The following PHF21A variants were observed in gnomAD, a reference collection of about 807,000 sequenced individuals.
The protein encoded by PHF21A is PHD finger protein 21A, also known as BHC80a.
A neutral mutation model predicts 82.5 loss-of-function variants in PHF21A; 11 were observed. The ratio of observed to expected loss-of-function variants is 0.13; its 90% CI spans 0.08 to 0.22. The LOEUF (loss-of-function observed/expected upper bound fraction) is 0.22. Ranked by LOEUF, PHF21A falls within the 10% of genes least tolerant of loss-of-function variation. The pLI is 1.00. For synonymous variants in PHF21A, 297 were observed against 302.8 expected (o/e 0.98, Z 0.20); for missense variants, 579 against 837.8 (o/e 0.69, Z 3.81).
At chr11:45,958,346 T>C (rs1439106864) in intron 10 of PHF21A, among the ~76,000 whole-genome samples, 1 of 131,250 alleles carries the variant, frequency 7.6e-6, no homozygotes, top group African/African-American at 2.9e-5. Flanking sequence ...GCAGATAGCT[T>C]GAGCTCAGGG....
chr11:45,936,436 A>G, intron 17 of PHF21A, 58 bp downstream of exon 17: 1 of 962,282 alleles, frequency 1.0e-6, no homozygotes, highest in South Asian at 1.4e-5. Context: ...AAATACTGCC[A>G]GTATTTTTTT....
intron 6 of PHF21A, among the ~76,000 whole-genome samples, chr11:46,043,690 T>A (rs1484558832): frequency 6.6e-6 from 1 of 151,888 alleles, no homozygotes; most frequent in African/African-American, 2.4e-5. Context: ...TGGTGAAGTA[T>A]GAATATTTAA....
intron 10 of PHF21A, among the ~76,000 whole-genome samples, chr11:45,960,919 T>C (rs560551276): frequency 7.9e-5 from 12 of 152,330 alleles, no homozygotes; most frequent in Non-Finnish European, 1.5e-4. Context: ...GAAGTCTCCA[T>C]GTGATAAAAG....
At chr11:46,094,049 G>A (rs937148996) in intron 1 of PHF21A, among the ~76,000 whole-genome samples, 11 of 152,206 alleles carry the variant, frequency 7.2e-5, no homozygotes, top group South Asian at 2.1e-4. Context: ...ATTATATTAC[G>A]TATAATCAAC....
At chr11:45,970,051 T>C (rs1032551520) in intron 8 of PHF21A, 147 bp from the exon 9 acceptor site, 113 of 669,976 alleles carry the variant, frequency 1.7e-4, no homozygotes, top group Non-Finnish European at 2.6e-5. Context: ...AACACTGCAT[T>C]AGGAAACTTT....
Position 45,971,202 on chromosome 11 carries a change from T to C in PHF21A, c.526A>G (p.Thr176Ala), listed in dbSNP as rs938022434. Residue 176 changes from threonine to alanine, a missense_variant, in exon 8 of 19, where the codon ACA becomes GCA. Around this residue, in one of 3 missense-constraint regions of PHF21A, gnomAD observed 410 missense variants for 642.1 expected, o/e 0.64. Transcript: ENST00000676320. ...KAVLSTDVQN[T>A]PVNLQTSSKV... Reference sequence around the variant, plus strand: ...CTAGACGTCTGGAGGTTGACTGGTGTGTTCTGCACATCAGTGCTGAGCACA... The same window carrying C: ...CTAGACGTCTGGAGGTTGACTGGTGCGTTCTGCACATCAGTGCTGAGCACA... The C allele has an allele frequency of 6.2e-7, 1 of 1,614,202 alleles. No individual in the cohort carries two copies. The highest frequency in any genetic ancestry group is 8.5e-7 in the Non-Finnish European group (1 of 1,180,022).
At chr11:45,978,230 G>A (rs753466737) in intron 7 of PHF21A, among the ~76,000 whole-genome samples, 12 of 152,130 alleles carry the variant, frequency 7.9e-5, no homozygotes, top group African/African-American at 1.9e-4. Flanking sequence ...AACCCAAGAC[G>A]GTGGAGGTTG....
At chr11:46,006,588 A>T (rs1201308294) in intron 6 of PHF21A, among the ~76,000 whole-genome samples, 1 of 152,246 alleles carries the variant, frequency 6.6e-6, no homozygotes, top group Non-Finnish European at 1.5e-5. Context: ...CCTGAGCTAG[A>T]GGATGAAGTT....
In PHF21A at chr11:46,089,134, T is replaced by C. The variant is rs1283172483; in HGVS notation, c.-84+1321A>G. 2.0e-5 allele frequency among the ~76,000 whole-genome samples: 3 copies of C among 152,192 alleles called. No homozygotes were observed. In the East Asian group the frequency reaches 5.8e-4, roughly 29 times the overall value. On this transcript the variant is annotated intron_variant, in intron 3 of 18. Coordinates refer to ENST00000676320, the MANE Select transcript of PHF21A (RefSeq NM_001352027.3). ...GTGAAACTCCTCTGCTTTTTATCTA[T>C]ATTCTCAGACACAATGTTTAAAGTA... is the stretch of plus-strand genomic sequence containing the variant.
intron 15 of PHF21A, 26 bp downstream of exon 15, chr11:45,945,814 C>G (rs751524506): frequency 6.5e-6 from 10 of 1,546,328 alleles, no homozygotes; most frequent in Middle Eastern, 1.7e-4. Context: ...CTCAGAAAGA[C>G]AGTGTGCTTT....
intron 7 of PHF21A, among the ~76,000 whole-genome samples, chr11:45,971,886 C>CTTTCTTTCTTTTTTTTT (rs1555025953): frequency 2.5e-4 from 1 of 3,932 alleles, no homozygotes; most frequent in Non-Finnish European, 5.8e-4. Flanking sequence ...GTGTCTTTTT[C>CTTTCTTTCTTTTTTTTT]TTTCTTTTTT....
chr11:46,063,090 A>G (rs779224831), intron 6 of PHF21A, among the ~76,000 whole-genome samples: 2 of 152,200 alleles, frequency 1.3e-5, no homozygotes, highest in African/African-American at 4.8e-5. Context: ...CAATAAACCT[A>G]TAAGAGAGAA....
chr11:45,990,587 T>G (rs2094660327), intron 6 of PHF21A, among the ~76,000 whole-genome samples: 1 of 152,118 alleles, frequency 6.6e-6, no homozygotes. Context: ...AGTATACTCC[T>G]AAGTACTGAA....
intron 1 of PHF21A, among the ~76,000 whole-genome samples, chr11:46,108,933 C>G (rs1321384283): frequency 6.6e-6 from 1 of 152,136 alleles, no homozygotes. Context: ...CAAGGATAAA[C>G]AAAGCAGGCA....
chr11:46,114,106 C>CA (rs2097258517), intron 1 of PHF21A, among the ~76,000 whole-genome samples: 1 of 150,690 alleles, frequency 6.6e-6, no homozygotes, highest in Admixed American at 6.6e-5. Flanking sequence ...CACACACACG[C>CA]ACACATCCCC....
Position 45,933,966 on chromosome 11 carries a change from T to C in PHF21A, c.*2A>G, listed in dbSNP as rs767435299. 6.5e-6 allele frequency: 10 copies of C among 1,539,148 alleles called. No individual in the cohort carries two copies. The highest frequency in any genetic ancestry group is 7.9e-6 in the Non-Finnish European group (9 of 1,144,852). On this transcript the variant is annotated 3_prime_UTR_variant, in exon 19 of 19. Coordinates refer to ENST00000676320, the MANE Select transcript of PHF21A (RefSeq NM_001352027.3). ...CCCGTGGCTTCTCCTAGAGGGGCTC[T>C]GTTATTTAGTCTCTTCCCCCTGGTT...
chr11:46,076,702 A>G (rs920874067), intron 6 of PHF21A, 52 bp downstream of exon 6: 2 of 1,414,958 alleles, frequency 1.4e-6, no homozygotes, highest in East Asian at 2.3e-5. Flanking sequence ...TCGAGCAGAC[A>G]TATCTTTAGA....
Position 45,949,504 on chromosome 11 carries a change from A to T in PHF21A, c.1148-23T>A, listed in dbSNP as rs767771311. Reference sequence around the variant, plus strand: ...TTTCTTGAGAGAAGAAAAGGTTTTCATTAGCAGAGAGGCATGGAGAACCTA... The same window carrying T: ...TTTCTTGAGAGAAGAAAAGGTTTTCTTTAGCAGAGAGGCATGGAGAACCTA... On this transcript the variant is annotated intron_variant, in intron 12 of 18. Transcript: ENST00000676320. The T allele has an allele frequency of 6.9e-6, 11 of 1,597,648 alleles. No individual in the cohort carries two copies. In the South Asian group the frequency reaches 1.2e-4, roughly 18 times the overall value.
At chr11:46,106,208 C>A (rs767950387) in intron 1 of PHF21A, among the ~76,000 whole-genome samples, 1 of 152,122 alleles carries the variant, frequency 6.6e-6, no homozygotes, top group Non-Finnish European at 1.5e-5. Context: ...ACATTTGTAT[C>A]TGATTTGCTT....
Sources: gnomAD v4.1 joint callset for allele counts (sites outside exome capture counted in the v4.1 genomes callset) on GRCh38, gnomAD v4.1.1 for gene constraint, gnomAD v4.1.1 regional missense constraint, MANE v1.5 for transcripts, NCBI Gene and HGNC (gene_info 2026-07-23, HGNC 2026-07-21) for gene names.